Variants in CD163L1 observed in about 807,000 individuals in gnomAD.
CD163L1 encodes CD163 molecule like 1, also known as scavenger receptor cysteine-rich type 1 protein M160.
A neutral mutation model predicts 165.4 loss-of-function variants in CD163L1; 124 were observed. That is an observed-to-expected ratio of 0.75 (90% CI 0.65 to 0.87). CD163L1 has a LOEUF of 0.87. Ranked by LOEUF, CD163L1 falls within the 40% of genes least tolerant of loss-of-function variation. The probability of loss-of-function intolerance (pLI) is 0.00; values close to 1 mark genes in which losing one functional copy is unlikely to be tolerated. For missense variants in CD163L1, 1,525 were observed against 1,799.9 expected (o/e 0.85, Z 2.76); for synonymous variants, 585 against 662.2 (o/e 0.88, Z 1.79).
In CD163L1 at chr12:7,372,247, A is replaced by G. The variant is rs1037999157; in HGVS notation, c.3730+1073T>C. 2.6e-5 allele frequency among the ~76,000 whole-genome samples: 4 copies of G among 152,090 alleles called. No individual in the cohort carries two copies. Among genetic ancestry groups the G allele is most frequent in the African/African-American group, 9.7e-5 (4 of 41,434 alleles). On this transcript the variant is annotated intron_variant, in intron 14 of 19. Coordinates refer to ENST00000313599, the MANE Select transcript of CD163L1 (RefSeq NM_174941.6). The surrounding 1 kb of genome is among the most constrained non-coding windows in gnomAD (Gnocchi z 4.2). ...TGGTGGGAAGGGTGAAATAAAATCA[A>G]TGCTCTCATATACTGGGGATAAGAA...
Position 7,432,788 on chromosome 12 carries a change from A to C in CD163L1, c.446-52T>G, listed in dbSNP as rs752757983. 4.1e-6 allele frequency: 6 copies of C among 1,457,326 alleles called. No homozygotes were observed. The Admixed American group carries it at 1.3e-4, about 32-fold the overall frequency. The allele number at this position is 1,457,326 out of a possible 1,614,324, so 90.3% of individuals were successfully genotyped here. A position where few individuals can be genotyped will look rare whatever the true frequency, so the allele number is the denominator to read the frequency against. Reference sequence around the variant, plus strand: ...AAAAACTGATTCAACTTTGAGCCTGAAATAAAATCAAAAGGATACGTAGAA... The same window carrying C: ...AAAAACTGATTCAACTTTGAGCCTGCAATAAAATCAAAAGGATACGTAGAA... On this transcript the variant is annotated intron_variant, in intron 3 of 19. Transcript: ENST00000313599. The surrounding 1 kb of genome is among the most constrained non-coding windows in gnomAD (Gnocchi z 4.2).
downstream of CD163L1, among the ~76,000 whole-genome samples, chr12:7,346,296 T>C (rs1565763091): frequency 2.0e-5 from 3 of 152,108 alleles, no homozygotes; most frequent in Admixed American, 2.0e-4. Context: ...ATTTTTTATT[T>C]CTCCCCTTTT....
At chr12:7,338,847 AT>A in the CD163L1 span, among the ~76,000 whole-genome samples, 1 of 152,306 alleles carries the variant, frequency 6.6e-6, no homozygotes, top group East Asian at 1.9e-4. Context: ...TGGGCAGAGA[AT>A]TCCATGTCCT....
intron 8 of CD163L1, among the ~76,000 whole-genome samples, chr12:7,393,291 C>A (rs761024161): frequency 6.6e-6 from 1 of 152,128 alleles, no homozygotes; most frequent in Non-Finnish European, 1.5e-5. Context: ...CAAACATAAT[C>A]CATCACATAA....
chr12:7,438,593 T>C (rs114458954), intron 2 of CD163L1, among the ~76,000 whole-genome samples: 1 of 152,214 alleles, frequency 6.6e-6, no homozygotes, highest in South Asian at 2.1e-4. Context: ...CTAGTCAAAA[T>C]CATTCTAAGA....
chr12:7,393,380 T>C (rs1947700973), intron 8 of CD163L1, among the ~76,000 whole-genome samples: 1 of 152,204 alleles, frequency 6.6e-6, no homozygotes, highest in African/African-American at 2.4e-5. Flanking sequence ...CACTGCTTCA[T>C]GCTAAAAACT....
At chr12:7,408,159 A>G (rs1046138959) in intron 4 of CD163L1, among the ~76,000 whole-genome samples, 1 of 151,544 alleles carries the variant, frequency 6.6e-6, no homozygotes, top group Admixed American at 6.6e-5. Context: ...TCTCTCTCCA[A>G]TTGCTTGTTT....
chr12:7,364,875 AATCTC>A (rs1255350287), intron 18 of CD163L1, among the ~76,000 whole-genome samples: 1 of 152,132 alleles, frequency 6.6e-6, no homozygotes, highest in East Asian at 1.9e-4. Flanking sequence ...GATTCAACGC[AATCTC>A]TTTGAAAACA....
intron 2 of CD163L1, chr12:7,439,019 A>T: frequency 6.2e-7 from 1 of 1,605,184 alleles, no homozygotes. Context: ...CCTGCCTCTG[A>T]CATCGGTATC....
At chr12:7,406,940 T>A in intron 4 of CD163L1, 88 bp from the exon 5 acceptor site, 1 of 1,178,982 alleles carries the variant, frequency 8.5e-7, no homozygotes, top group Non-Finnish European at 1.2e-6. Context: ...TAAACACAAA[T>A]ATATAATAAA....
chr12:7,342,419 A>G (rs1002106951), downstream of CD163L1, among the ~76,000 whole-genome samples: 2 of 152,210 alleles, frequency 1.3e-5, no homozygotes, highest in African/African-American at 4.8e-5. Flanking sequence ...TAGTTAATCT[A>G]TAATCTATAG....
rs1180743386 is a variant in CD163L1, at chr12:7,369,537, G to A, written c.3859C>T (p.Leu1287=). The A allele has an allele frequency of 6.2e-7, 1 of 1,614,130 alleles. No individual in the cohort carries two copies. The highest frequency in any genetic ancestry group is 1.7e-5 in the Admixed American group (1 of 60,018). The change falls in exon 15 of 20, where the codon CTG becomes TTG. Residue 1287 remains leucine (L), a synonymous_variant. Transcript: ENST00000313599. This position sits in a 1 kb window ranked among gnomAD's most constrained non-coding sequence, Gnocchi z 4.9. ...GCAGCCAGAGCAGAGCCACAGCCCAGCTGCTGACACACCACTTCCGCCTCG... is the reference window on the plus strand; with the variant it reads ...GCAGCCAGAGCAGAGCCACAGCCCAACTGCTGACACACCACTTCCGCCTCG... The part of the protein sequence containing the change: ...LAEAEVVCQQ[L]GCGSALAALR...
chr12:7,347,181 A>T lies in CD163L1; in HGVS notation c.*25-34T>A, dbSNP rs1946675994. 6.6e-6 allele frequency: 1 copy of T among 152,014 alleles called. No individual in the cohort carries two copies. Among genetic ancestry groups the T allele is most frequent in the Non-Finnish European group, 1.5e-5 (1 of 68,000 alleles). 9.4% of individuals were successfully genotyped at this position (152,014 alleles called of 1,614,324 possible). A position where few individuals can be genotyped will look rare whatever the true frequency, so the allele number is the denominator to read the frequency against. On this transcript the variant is annotated intron_variant, in intron 4 of 4. Coordinates refer to the CD163L1 transcript ENST00000539726. The surrounding 1 kb of genome is among the most constrained non-coding windows in gnomAD (Gnocchi z 4.2). ...AAAGAAATTAATTGTAAGTGCAGAA[A>T]TTTTTCTCTCTGTTGTCTACAATTG...
intron 2 of CD163L1, among the ~76,000 whole-genome samples, chr12:7,436,598 C>A (rs1381877854): frequency 1.3e-5 from 2 of 151,860 alleles, no homozygotes; most frequent in Non-Finnish European, 2.9e-5. Flanking sequence ...ATAGTGAGAC[C>A]CTACCTGTAA....
At chr12:7,356,171 A>T (rs1055968534) in intron 19 of CD163L1, among the ~76,000 whole-genome samples, 1 of 152,152 alleles carries the variant, frequency 6.6e-6, no homozygotes, top group Non-Finnish European at 1.5e-5. Context: ...ATGAAAACAC[A>T]TAAGATACAC....
chr12:7,348,811 A>G (rs1008151219), intron 4 of CD163L1, among the ~76,000 whole-genome samples: 33 of 109,934 alleles, frequency 3.0e-4, no homozygotes, highest in Admixed American at 2.9e-3. Flanking sequence ...AGTCCTTGTT[A>G]TGTTTTTTTT....
At chr12:7,403,301 C>G (rs776498445) in intron 6 of CD163L1, among the ~76,000 whole-genome samples, 4 of 152,272 alleles carry the variant, frequency 2.6e-5, no homozygotes, top group African/African-American at 9.6e-5. Flanking sequence ...TTTAGAGATA[C>G]AGATTATACT....
intron 4 of CD163L1, among the ~76,000 whole-genome samples, chr12:7,412,239 G>A (rs968666601): frequency 1.3e-5 from 2 of 152,202 alleles, no homozygotes; most frequent in African/African-American, 2.4e-5. Context: ...AATATATGAT[G>A]TATTCCCTCA....
intron 9 of CD163L1, among the ~76,000 whole-genome samples, chr12:7,377,681 A>G (rs769719261): frequency 9.2e-5 from 14 of 152,110 alleles, no homozygotes; most frequent in Non-Finnish European, 1.6e-4. Flanking sequence ...TTTCATCTAT[A>G]TTGGCCTCTT....
Sources: allele counts gnomAD v4.1 joint callset (sites outside exome capture counted in the v4.1 genomes callset), GRCh38; gene constraint gnomAD v4.1.1; non-coding constraint Gnocchi (gnomAD v3.1); transcripts MANE v1.5; gene names NCBI Gene and HGNC (gene_info 2026-07-23, HGNC 2026-07-21).